The following ERBB2 variants were observed in gnomAD, a reference collection of about 807,000 sequenced individuals.
ERBB2 encodes receptor tyrosine-protein kinase erbB-2.
In ERBB2, 61 loss-of-function variants were observed where a neutral mutation model predicts 149.0. That is an observed-to-expected ratio of 0.41 (90% CI 0.33 to 0.51). The LOEUF is 0.51. Ranked by LOEUF, ERBB2 falls within the 20% of genes least tolerant of loss-of-function variation. The pLI, the probability that ERBB2 is intolerant of heterozygous loss-of-function variation, is 0.25. For missense variants in ERBB2, 1,205 were observed against 1,655.1 expected, an observed-to-expected ratio of 0.73 and a Z score of 4.72; for synonymous variants, 633 against 678.8, an observed-to-expected ratio of 0.93 and a Z score of 1.05.
upstream of ERBB2, chr17:39,699,953 G>A (rs2057983926): frequency 2.5e-6 from 3 of 1,210,252 alleles, no homozygotes; most frequent in South Asian, 6.2e-5. Flanking sequence ...TTGGAATGCA[G>A]TTGGAGGGGG....
chr17:39,725,793 G>A lies in ERBB2; in HGVS notation c.2812G>A (p.Gly938Arg), dbSNP rs2143071477. The A allele has an allele frequency of 6.2e-7, 1 of 1,613,676 alleles. No homozygotes were observed. Among genetic ancestry groups the A allele is most frequent in the Non-Finnish European group, 8.5e-7 (1 of 1,179,878 alleles). The stretch of plus-strand genomic sequence containing the variant: ...GGAGATCCCTGACCTGCTGGAAAAG[G>A]GGGAGCGGCTGCCCCAGCCCCCCAT... ...AREIPDLLEK[G>R]ERLPQPPICT... The change falls in exon 23 of 27, where the codon GGG becomes AGG. Residue 938 changes from glycine (G) to arginine (R), a missense_variant. This residue lies in a region of ERBB2 where 63 missense variants were observed against 74.2 expected (regional missense o/e 0.85). Transcript: ENST00000269571. This position sits in a 1 kb window ranked among gnomAD's most constrained non-coding sequence, Gnocchi z 4.6.
In ERBB2 at chr17:39,725,249, G is replaced by A. The variant is rs372258568; in HGVS notation, c.2649+45G>A. 2.0e-5 allele frequency: 33 copies of A among 1,613,534 alleles called. No individual in the cohort carries two copies. The highest frequency in any genetic ancestry group is 2.7e-5 in the Non-Finnish European group (32 of 1,179,636). ...AGCAGAGGAGGCTGGGTGGAGTGGT[G>A]TCTAGCCCATGGGAGAACTCTGAGT... On this transcript the variant is annotated intron_variant, in intron 21 of 26. Coordinates refer to ENST00000269571, the MANE Select transcript of ERBB2 (RefSeq NM_004448.4). The surrounding 1 kb of genome is among the most constrained non-coding windows in gnomAD (Gnocchi z 4.6).
Position 39,727,666 on chromosome 17 carries a change from G to A in ERBB2, c.3413-23G>A, listed in dbSNP as rs1377244109. The stretch of plus-strand genomic sequence containing the variant: ...ACACCGGGGTTCCTTCCCCTAATGG[G>A]TCACCTTCTCTTGACCTTTCAGAAT... On this transcript the variant is annotated intron_variant, in intron 26 of 26. Transcript: ENST00000269571. The surrounding 1 kb of genome is among the most constrained non-coding windows in gnomAD (Gnocchi z 4.3). 6.5e-7 allele frequency: 1 copy of A among 1,545,924 alleles called. No homozygotes were observed. Among genetic ancestry groups the A allele is most frequent in the South Asian group, 1.2e-5 (1 of 80,824 alleles).
chr17:39,699,989 A>G, upstream of ERBB2: 1 of 1,265,808 alleles, frequency 7.9e-7, no homozygotes, highest in Non-Finnish European at 9.9e-7. Flanking sequence ...CTTGCTCCCA[A>G]TCACAGGAGA....
At chr17:39,711,897 G>A (rs2058820813) in intron 7 of ERBB2, 31 bp from the exon 8 acceptor site, 2 of 1,613,624 alleles carry the variant, frequency 1.2e-6, no homozygotes, top group South Asian at 1.1e-5. Context: ...AAGGGCCAGG[G>A]TATGTGGCTA....
chr17:39,721,261 C>CTT (rs33957748), intron 16 of ERBB2, among the ~76,000 whole-genome samples: 23 of 82,954 alleles, frequency 2.8e-4, no homozygotes, highest in African/African-American at 4.7e-4. Flanking sequence ...TGAGCCAAGT[C>CTT]TTTTTTTTTT....
rs2059865909 is a variant in ERBB2 at position 39,727,842 on chromosome 17, G to A, written c.3566G>A (p.Gly1189Asp). The A allele has an allele frequency of 1.2e-6, 2 of 1,614,058 alleles. No individual in the cohort carries two copies. The highest frequency in any genetic ancestry group is 1.7e-6 in the Non-Finnish European group (2 of 1,179,950). Reference protein sequence around the residue: ...GVVKDVFAFGGAVENPEYLTP... With the variant: ...GVVKDVFAFGDAVENPEYLTP... Reference sequence around the variant, plus strand: ...GTCAAAGACGTTTTTGCCTTTGGGGGTGCCGTGGAGAACCCCGAGTACTTG... The same window carrying A: ...GTCAAAGACGTTTTTGCCTTTGGGGATGCCGTGGAGAACCCCGAGTACTTG... The change falls in exon 27 of 27, where the codon GGT (glycine) becomes GAT (aspartate). Residue 1189 changes from glycine (G) to aspartate (D), a missense_variant. This residue lies in a region of ERBB2 where 312 missense variants were observed against 343.8 expected (regional missense o/e 0.91). Transcript: ENST00000269571. The surrounding 1 kb of genome is among the most constrained non-coding windows in gnomAD (Gnocchi z 4.3).
Position 39,725,063 on chromosome 17 carries a change from G to A in ERBB2, c.2508G>A (p.Leu836=), listed in dbSNP as rs149176913. 18 of 1,614,084 alleles carry A rather than the reference G, an allele frequency of 1.1e-5. No individual in the cohort carries two copies. The African/African-American group carries it at 2.1e-4, about 19-fold the overall frequency. The change falls in exon 21 of 27, where the codon CTG becomes CTA. Residue 836 remains leucine, a synonymous_variant. Coordinates refer to ENST00000269571, the MANE Select transcript of ERBB2 (RefSeq NM_004448.4). The surrounding 1 kb of genome is among the most constrained non-coding windows in gnomAD (Gnocchi z 4.6). ...CMQIAKGMSY[L]EDVRLVHRDL... Reference sequence around the variant, plus strand: ...TCCCATTCCAGGGGATGAGCTACCTGGAGGATGTGCGGCTCGTACACAGGG... The same window carrying A: ...TCCCATTCCAGGGGATGAGCTACCTAGAGGATGTGCGGCTCGTACACAGGG...
chr17:39,715,976 G>T (rs1225195272), intron 12 of ERBB2, 37 bp downstream of exon 12: 1 of 1,589,060 alleles, frequency 6.3e-7, no homozygotes, highest in South Asian at 1.1e-5. Context: ...CTCCCCATCT[G>T]CCAGCACACA....
chr17:39,707,261 C>T, intron 2 of ERBB2, 120 bp downstream of exon 2: 2 of 879,624 alleles, frequency 2.3e-6, no homozygotes, highest in South Asian at 2.3e-5. Context: ...TGTGGTTTCT[C>T]AACCAGGAAG....
intron 4 of ERBB2, 93 bp from the exon 5 acceptor site, chr17:39,709,720 G>A (rs1483703442): frequency 7.8e-6 from 10 of 1,284,058 alleles, no homozygotes; most frequent in Non-Finnish European, 1.0e-5. Flanking sequence ...TGGCCTCGTG[G>A]CCTCTGCTGC....
At chr17:39,712,192 G>A (rs1206893053) in intron 8 of ERBB2, 130 bp from the exon 9 acceptor site, 4 of 1,520,628 alleles carry the variant, frequency 2.6e-6, no homozygotes, top group Non-Finnish European at 3.6e-6. Flanking sequence ...GCCCCCCTCA[G>A]CCCTACAAGT....
At chr17:39,717,522 T>C in intron 15 of ERBB2, 42 bp downstream of exon 15, 1 of 1,547,920 alleles carries the variant, frequency 6.5e-7, no homozygotes, top group Non-Finnish European at 8.8e-7. Flanking sequence ...GGACTTTCCT[T>C]TCAGGGGTCT....
chr17:39,699,813 A>G (rs2057977650), upstream of ERBB2, among the ~76,000 whole-genome samples: 3 of 152,204 alleles, frequency 2.0e-5, no homozygotes, highest in South Asian at 6.2e-4. Context: ...CTCTGCATTT[A>G]GGGATTCTCC....
In ERBB2 at chr17:39,715,902, T is replaced by C. The variant is rs2145658981; in HGVS notation, c.1476T>C (p.Ala492=). Reference sequence around the variant, plus strand: ...AGCTCTTTCGGAACCCGCACCAAGCTCTGCTCCACACTGCCAACCGGCCAG... The same window carrying C: ...AGCTCTTTCGGAACCCGCACCAAGCCCTGCTCCACACTGCCAACCGGCCAG... ...WDQLFRNPHQ[A]LLHTANRPED... is the part of the protein sequence containing the mutation. Residue 492 remains alanine (A), a synonymous_variant, in exon 12 of 27, where the codon GCT becomes GCC. Coordinates refer to ENST00000269571, the MANE Select transcript of ERBB2 (RefSeq NM_004448.4). 6.2e-7 allele frequency: 1 copy of C among 1,611,944 alleles called. No individual in the cohort carries two copies. The highest frequency in any genetic ancestry group is 8.5e-7 in the Non-Finnish European group (1 of 1,179,984).
At chr17:39,691,572 T>TACACACACACAC (rs1373633549), upstream of ERBB2, among the ~76,000 whole-genome samples, 1 of 121,552 alleles carries the variant, frequency 8.2e-6, no homozygotes, top group African/African-American at 4.4e-5. Context: ...TATATATATA[T>TACACACACACAC]ATACACACAC....
Position 39,709,540 on chromosome 17 carries a change from C to T in ERBB2, c.574+88C>T, listed in dbSNP as rs1372440097. The T allele has an allele frequency of 9.3e-6, 14 of 1,507,244 alleles. No homozygotes were observed. The Admixed American group carries it at 2.5e-4, about 26-fold the overall frequency. 93.4% of individuals were successfully genotyped at this position (1,507,244 alleles called of 1,614,324 possible). A position where few individuals can be genotyped will look rare whatever the true frequency, so the allele number is the denominator to read the frequency against. ...CAACTTACAACCCAGTGCCTGCCCG[C>T]CACTGCCCCAGCCGCCTACACCACC... is the stretch of plus-strand genomic sequence containing the variant. On this transcript the variant is annotated intron_variant, in intron 4 of 26. Transcript: ENST00000269571.
At chr17:39,714,699 C>T (rs561719620) in intron 9 of ERBB2, among the ~76,000 whole-genome samples, 1 of 152,122 alleles carries the variant, frequency 6.6e-6, no homozygotes, top group South Asian at 2.1e-4. Flanking sequence ...CAAACAGTTC[C>T]ACTTTGTGTG....
At chr17:39,702,409 G>T (rs1386707862) in intron 1 of ERBB2, among the ~76,000 whole-genome samples, 3 of 152,164 alleles carry the variant, frequency 2.0e-5, no homozygotes, top group Non-Finnish European at 4.4e-5. Flanking sequence ...CCCCAGAGGG[G>T]TCAGGATTTT....
Sources: gnomAD v4.1 joint callset for allele counts (sites outside exome capture counted in the v4.1 genomes callset) on GRCh38, gnomAD v4.1.1 for gene constraint, gnomAD v4.1.1 regional missense constraint, Gnocchi (gnomAD v3.1) non-coding constraint, MANE v1.5 for transcripts, NCBI Gene and HGNC (gene_info 2026-07-23, HGNC 2026-07-21) for gene names.